TNFAIP1: variants seen among roughly 807,000 people sequenced by gnomAD.
TNFAIP1 encodes the protein BTB/POZ domain-containing adapter for CUL3-mediated RhoA degradation protein 2.
Under a neutral mutation model 32.6 loss-of-function variants are expected in TNFAIP1, and 20 were observed. The observed-to-expected ratio is 0.61, with a 90% confidence interval of 0.43 to 0.89. TNFAIP1 has a LOEUF of 0.89. TNFAIP1 is among the 40% of genes least tolerant of loss of function. The pLI is 0.00. For missense variants in TNFAIP1, 319 were observed against 425.1 expected (o/e 0.75, Z 2.20); for synonymous variants, 166 against 166.8 (o/e 1.00, Z 0.04).
Position 28,342,677 on chromosome 17 carries a change from A to G in TNFAIP1, c.714+235A>G, listed in dbSNP as rs782026506. On this transcript the variant is annotated intron_variant, in intron 6 of 6. Transcript: ENST00000226225. This position sits in a 1 kb window ranked among gnomAD's most constrained non-coding sequence, Gnocchi z 4.0. ...GCCGTTGACCACCAGGAAGTAGCCT[A>G]GTACAGTGGGAAGGACTGGGTCTTT... 1.3e-5 allele frequency among the ~76,000 whole-genome samples: 2 copies of G among 152,230 alleles called. No individual in the cohort carries two copies. Among genetic ancestry groups the G allele is most frequent in the Non-Finnish European group, 2.9e-5 (2 of 68,040 alleles).
At chr17:28,337,907 CTAGAA>C (rs1306671700) in intron 1 of TNFAIP1, among the ~76,000 whole-genome samples, 2 of 152,218 alleles carry the variant, frequency 1.3e-5, no homozygotes, top group African/African-American at 4.8e-5. Flanking sequence ...TTTCCTTCCA[CTAGAA>C]TGTAAGCTCC....
rs1555577981 is a variant in TNFAIP1 at position 28,340,348 on chromosome 17, C to T, written c.245C>T (p.Thr82Ile). Reference protein sequence around the residue: ...LIDRCGKHFGTILNYLRDDTI... With the variant: ...LIDRCGKHFGIILNYLRDDTI... ...GACCGTTGTGGAAAGCACTTTGGCA[C>T]CATTTTGAATTACCTCCGAGATGAC... Residue 82 changes from threonine to isoleucine, a missense_variant, in exon 3 of 7, where the codon ACC becomes ATC. Coordinates refer to ENST00000226225, the MANE Select transcript of TNFAIP1 (RefSeq NM_021137.5). This position sits in a 1 kb window ranked among gnomAD's most constrained non-coding sequence, Gnocchi z 4.1. 6.2e-7 allele frequency: 1 copy of T among 1,613,994 alleles called. No homozygotes were observed. Among genetic ancestry groups the T allele is most frequent in the East Asian group, 2.2e-5 (1 of 44,876 alleles).
At chr17:28,341,542 T>C in intron 5 of TNFAIP1, 86 bp downstream of exon 5, 2 of 1,486,706 alleles carry the variant, frequency 1.3e-6, no homozygotes, top group Non-Finnish European at 1.9e-6. Context: ...GGCGTGGGTC[T>C]GGGCCTGGGT....
chr17:28,337,180 T>A (rs1340140799), intron 1 of TNFAIP1, among the ~76,000 whole-genome samples: 1 of 152,208 alleles, frequency 6.6e-6, no homozygotes, highest in East Asian at 1.9e-4. Context: ...ATTCATTCTC[T>A]ACCCAGCAGC....
rs895398976 is a variant in TNFAIP1, at chr17:28,344,289, A to T, written c.715-75A>T. 1.4e-5 allele frequency: 19 copies of T among 1,370,432 alleles called. No homozygotes were observed. The Admixed American group carries it at 3.1e-4, about 22-fold the overall frequency. 84.9% of individuals were successfully genotyped at this position (1,370,432 alleles called of 1,614,324 possible). ...GGTAGCGGAGGCCTTATGGAGCCTC[A>T]GGGCCAGCCGCTCTGACGCATGGCT... is the stretch of plus-strand genomic sequence containing the variant. On this transcript the variant is annotated intron_variant, in intron 6 of 6. Transcript: ENST00000226225.
At chr17:28,336,121 A>C (rs1391490236) in intron 1 of TNFAIP1, among the ~76,000 whole-genome samples, 1 of 152,140 alleles carries the variant, frequency 6.6e-6, no homozygotes, top group East Asian at 1.9e-4. Context: ...GGTTTCTGCT[A>C]GATCCGCCAC....
At position 28,339,395 on chromosome 17, in the gene TNFAIP1, C is replaced by T; in HGVS notation, c.-114-13C>T. 3.4e-6 allele frequency: 3 copies of T among 894,800 alleles called. No homozygotes were observed. Among genetic ancestry groups the T allele is most frequent in the Non-Finnish European group, 4.8e-6 (3 of 624,742 alleles). 55.4% of individuals were successfully genotyped at this position (894,800 alleles called of 1,614,324 possible). ...AGCTGGTTCGTGTCTTCTCTTCCCT[C>T]TCCCATGTACAGCACTGAGATTATG... On this transcript the variant is annotated splice_polypyrimidine_tract_variant and intron_variant, in intron 1 of 6. Coordinates refer to ENST00000226225, the MANE Select transcript of TNFAIP1 (RefSeq NM_021137.5).
Position 28,339,545 on chromosome 17 carries a change from C to T in TNFAIP1, c.24C>T (p.Cys8=). 7 of 1,608,336 alleles carry T rather than the reference C, an allele frequency of 4.4e-6. No homozygotes were observed. Among genetic ancestry groups the T allele is most frequent in the Non-Finnish European group, 5.9e-6 (7 of 1,176,698 alleles). MSGDTCL[C]PASGAKPKLS... is the part of the protein sequence containing the mutation. Reference sequence around the variant, plus strand: ...AGATGTCGGGGGACACCTGCCTGTGCCCAGCCTCAGGGGCCAAGCCCAAGC... The same window carrying T: ...AGATGTCGGGGGACACCTGCCTGTGTCCAGCCTCAGGGGCCAAGCCCAAGC... The change falls in exon 2 of 7, where the codon TGC becomes TGT. Residue 8 remains cysteine, a synonymous_variant. Transcript: ENST00000226225.
chr17:28,343,837 A>G (rs1284115219), intron 6 of TNFAIP1, among the ~76,000 whole-genome samples: 1 of 152,104 alleles, frequency 6.6e-6, no homozygotes, highest in African/African-American at 2.4e-5. Flanking sequence ...CAGGCAGGTC[A>G]TGCCGGTGAC....
Position 28,339,460 on chromosome 17 carries a change from C to T in TNFAIP1, c.-62C>T. The T allele has an allele frequency of 6.7e-7, 1 of 1,487,468 alleles. No individual in the cohort carries two copies. Among genetic ancestry groups the T allele is most frequent in the Non-Finnish European group, 9.0e-7 (1 of 1,114,504 alleles). The allele number at this position is 1,487,468 out of a possible 1,614,324, so 92.1% of individuals were successfully genotyped here. A position where few individuals can be genotyped will look rare whatever the true frequency, so the allele number is the denominator to read the frequency against. ...ACTGGCCACTCACTCGTGACCCTTT[C>T]CACCACGGCGGAGCCTTCCAAGCCT... On this transcript the variant is annotated 5_prime_UTR_variant, in exon 2 of 7. Coordinates refer to ENST00000226225, the MANE Select transcript of TNFAIP1 (RefSeq NM_021137.5).
intron 6 of TNFAIP1, among the ~76,000 whole-genome samples, 162 bp from the exon 7 acceptor site, chr17:28,344,202 C>T (rs943314415): frequency 2.0e-5 from 3 of 152,160 alleles, no homozygotes; most frequent in African/African-American, 4.8e-5. Flanking sequence ...TACATCCCCT[C>T]ACCCCGCCTT....
At chr17:28,337,782 G>T (rs1033448238) in intron 1 of TNFAIP1, among the ~76,000 whole-genome samples, 4 of 152,132 alleles carry the variant, frequency 2.6e-5, no homozygotes, top group Non-Finnish European at 5.9e-5. Context: ...CTGTCCCTTT[G>T]TCTAAATTAG....
chr17:28,344,245 C>G lies in TNFAIP1; in HGVS notation c.715-119C>G, dbSNP rs3093694. 1,102 of 866,254 alleles carry G rather than the reference C, an allele frequency of 1.3e-3. 7 individuals are homozygous for G. In the African/African-American group the frequency reaches 0.016, roughly 13 times the overall value. The allele number at this position is 866,254 out of a possible 1,614,324, so 53.7% of individuals were successfully genotyped here. A position where few individuals can be genotyped will look rare whatever the true frequency, so the allele number is the denominator to read the frequency against. On this transcript the variant is annotated intron_variant, in intron 6 of 6. Transcript: ENST00000226225. ...AGGCTGGCTTTCCCTGGAGACGGAC[C>G]GCCACCTGTTTTATGAGAGGTAGCG...
rs1555578017 is a variant in TNFAIP1 at position 28,340,526 on chromosome 17, C to A, written c.375+48C>A. 8.1e-6 allele frequency: 13 copies of A among 1,597,558 alleles called. No individual in the cohort carries two copies. The highest frequency in any genetic ancestry group is 1.1e-5 in the Non-Finnish European group (13 of 1,168,886). On this transcript the variant is annotated intron_variant, in intron 3 of 6. Transcript: ENST00000226225. The surrounding 1 kb of genome is among the most constrained non-coding windows in gnomAD (Gnocchi z 4.1). ...GGCGGGCAGATGAGGTCAGGAGTTGCCCCCTTCTTGTGGGATGGAGGACTC... is the reference window on the plus strand; with the variant it reads ...GGCGGGCAGATGAGGTCAGGAGTTGACCCCTTCTTGTGGGATGGAGGACTC...
intron 5 of TNFAIP1, 25 bp downstream of exon 5, chr17:28,341,481 A>G (rs781879429): frequency 3.1e-6 from 5 of 1,613,678 alleles, no homozygotes; most frequent in South Asian, 1.1e-5. Flanking sequence ...AGGGCTCAAC[A>G]GACACTGGGC....
chr17:28,342,197 C>T lies in TNFAIP1; in HGVS notation c.519-50C>T. The T allele has an allele frequency of 3.4e-6, 5 of 1,483,016 alleles. No homozygotes were observed. The highest frequency in any genetic ancestry group is 1.5e-5 in the African/African-American group (1 of 64,800). 91.9% of individuals were successfully genotyped at this position (1,483,016 alleles called of 1,614,324 possible). A position where few individuals can be genotyped will look rare whatever the true frequency, so the allele number is the denominator to read the frequency against. ...GGGCCCCACTTGTCTAGCACCCTCC[C>T]TTGGACTGGAACCTCACTCCCAGCC... On this transcript the variant is annotated intron_variant, in intron 5 of 6. Coordinates refer to ENST00000226225, the MANE Select transcript of TNFAIP1 (RefSeq NM_021137.5). The surrounding 1 kb of genome is among the most constrained non-coding windows in gnomAD (Gnocchi z 4.0).
Position 28,340,243 on chromosome 17 carries a change from TG to T in TNFAIP1, c.206-64del. On this transcript the variant is annotated intron_variant, in intron 2 of 6. Coordinates refer to ENST00000226225, the MANE Select transcript of TNFAIP1 (RefSeq NM_021137.5). The surrounding 1 kb of genome is among the most constrained non-coding windows in gnomAD (Gnocchi z 4.1). ...TGCCACCTGCCGCCAGCTTGTCAGG[TG>T]GCCTTTGCCTGCCTCGGAGGTACCT... The T allele has an allele frequency of 6.4e-7, 1 of 1,556,978 alleles. No homozygotes were observed. Among genetic ancestry groups the T allele is most frequent in the African/African-American group, 1.4e-5 (1 of 73,530 alleles).
At position 28,344,501 on chromosome 17, in the gene TNFAIP1, G is replaced by C. The variant is rs1443791969; in HGVS notation, c.852G>C (p.Glu284Asp). The change falls in exon 7 of 7, where the codon GAG becomes GAC. Residue 284 changes from glutamate to aspartate, a missense_variant. By Grantham distance (45) the Glu-to-Asp change is conservative. Transcript: ENST00000226225. Reference sequence around the variant, plus strand: ...AGGCTTCCCCCAGTGAAGATGAGGAGACCTTTGAACTGCGGGACCGTGTCC... The same window carrying C: ...AGGCTTCCCCCAGTGAAGATGAGGACACCTTTGAACTGCGGGACCGTGTCC... ...RSQASPSEDE[E>D]TFELRDRVRR... 1 of 1,613,884 alleles carries C rather than the reference G, an allele frequency of 6.2e-7. No homozygotes were observed. Among genetic ancestry groups the C allele is most frequent in the East Asian group, 2.2e-5 (1 of 44,890 alleles).
In TNFAIP1 at chr17:28,339,740, G is replaced by A. The variant is rs782452007; in HGVS notation, c.205+14G>A. 4.3e-6 allele frequency: 7 copies of A among 1,611,112 alleles called. No individual in the cohort carries two copies. The highest frequency in any genetic ancestry group is 3.3e-5 in the Admixed American group (2 of 59,850). On this transcript the variant is annotated intron_variant, in intron 2 of 6. Coordinates refer to ENST00000226225, the MANE Select transcript of TNFAIP1 (RefSeq NM_021137.5). ...CCGACAAAGAAGGTGAGGCACTGGG[G>A]CTGCCGCTCGGGGTGGGGAGGGCAG... is the stretch of plus-strand genomic sequence containing the variant.
Sources: allele counts gnomAD v4.1 joint callset (sites outside exome capture counted in the v4.1 genomes callset), GRCh38; gene constraint gnomAD v4.1.1; non-coding constraint Gnocchi (gnomAD v3.1); transcripts MANE v1.5; gene names NCBI Gene and HGNC (gene_info 2026-07-23, HGNC 2026-07-21).